The following PLXDC2 variants were observed in gnomAD, a reference collection of about 807,000 sequenced individuals.
PLXDC2 encodes the protein plexin domain containing 2.
PLXDC2 carries 40 observed loss-of-function variants against 68.9 expected under a neutral mutation model. That is an observed-to-expected ratio of 0.58 (90% CI 0.45 to 0.76). PLXDC2 has a LOEUF of 0.76. PLXDC2 is among the 30% of genes least tolerant of loss of function. The pLI, the probability that PLXDC2 is intolerant of heterozygous loss-of-function variation, is 0.00. For missense variants in PLXDC2, 644 were observed against 661.9 expected, an observed-to-expected ratio of 0.97 and a Z score of 0.30; for synonymous variants, 243 against 234.2, an observed-to-expected ratio of 1.04 and a Z score of -0.34.
At chr10:20,030,940 T>C (rs116176044) in intron 2 of PLXDC2, among the ~76,000 whole-genome samples, 2,682 of 152,190 alleles carry the variant, frequency 0.018, 77 homozygotes, top group African/African-American at 0.061. Flanking sequence ...AAACCCAAAT[T>C]TAGCCCACTT....
intron 3 of PLXDC2, among the ~76,000 whole-genome samples, chr10:20,054,403 GGATGGATGGATGGATGGACA>G (rs1329034636): frequency 6.6e-6 from 1 of 151,878 alleles, no homozygotes; most frequent in Non-Finnish European, 1.5e-5. Context: ...AAATATGGAT[GGATGGATGGATGGATGGACA>G]GATGGATGGA....
rs548520148 is a variant in PLXDC2 at position 20,030,474 on chromosome 10, G to T, written c.325-16395G>T. Among the ~76,000 whole-genome samples, 10 of 152,280 alleles carry T rather than the reference G, an allele frequency of 6.6e-5. No homozygotes were observed. The South Asian group carries it at 1.7e-3, about 25-fold the overall frequency. On this transcript the variant is annotated intron_variant, in intron 2 of 13. Coordinates refer to ENST00000377252, the MANE Select transcript of PLXDC2 (RefSeq NM_032812.9). The stretch of plus-strand genomic sequence containing the variant: ...GATGTGAACAAAATCCTCTGAAAAG[G>T]AATTTGGAGGAAAGAGACTTTATTC...
Position 19,925,967 on chromosome 10 carries a change from C to A in PLXDC2, c.113-75808C>A, listed in dbSNP as rs138492906. ...ATTGATCCGCTGGCATTAGAGAGCTCCCACATATGAACGCTCAATGTATCC... is the reference window on the plus strand; with the variant it reads ...ATTGATCCGCTGGCATTAGAGAGCTACCACATATGAACGCTCAATGTATCC... On this transcript the variant is annotated intron_variant, in intron 1 of 13. Transcript: ENST00000377252. Among the ~76,000 whole-genome samples the A allele has an allele frequency of 5.6e-3, 849 of 152,290 alleles. 3 individuals are homozygous for A. Among genetic ancestry groups the A allele is most frequent in the Non-Finnish European group, 9.5e-3 (648 of 68,030 alleles).
chr10:19,967,221 G>T (rs1834278471), intron 1 of PLXDC2, among the ~76,000 whole-genome samples: 1 of 152,124 alleles, frequency 6.6e-6, no homozygotes, highest in African/African-American at 2.4e-5. Context: ...CAATGGACTT[G>T]TTTAGCAAAA....
intron 10 of PLXDC2, among the ~76,000 whole-genome samples, chr10:20,212,029 A>G (rs1835076577): frequency 6.6e-6 from 1 of 152,000 alleles, no homozygotes; most frequent in African/African-American, 2.4e-5. Context: ...TCTATGAAGA[A>G]CAGTGCCTGC....
intron 1 of PLXDC2, among the ~76,000 whole-genome samples, chr10:19,867,651 G>A (rs988056158): frequency 3.9e-5 from 6 of 152,086 alleles, no homozygotes; most frequent in Non-Finnish European, 8.8e-5. Context: ...TTGTGGGGAG[G>A]CGTGTGGCAG....
At chr10:19,925,116 C>T (rs1589538902) in intron 1 of PLXDC2, among the ~76,000 whole-genome samples, 2 of 152,134 alleles carry the variant, frequency 1.3e-5, no homozygotes, top group South Asian at 2.1e-4. Context: ...AAGTTCCAGC[C>T]GTGACACCAG....
chr10:19,859,084 A>G (rs1837270853), intron 1 of PLXDC2, among the ~76,000 whole-genome samples: 1 of 151,934 alleles, frequency 6.6e-6, no homozygotes, highest in Admixed American at 6.6e-5. Flanking sequence ...GCTTTCTTCA[A>G]CAAAAAGTTC....
chr10:20,235,083 C>T (rs1835415739), intron 12 of PLXDC2, among the ~76,000 whole-genome samples: 1 of 152,124 alleles, frequency 6.6e-6, no homozygotes, highest in African/African-American at 2.4e-5. Flanking sequence ...CAAATAGTGG[C>T]TGTGGATTCT....
At chr10:20,034,287 A>G (rs1480824953) in intron 2 of PLXDC2, among the ~76,000 whole-genome samples, 2 of 152,208 alleles carry the variant, frequency 1.3e-5, no homozygotes, top group African/African-American at 2.4e-5. Context: ...ATATTTGGAT[A>G]CTAGGTTTAC....
intron 13 of PLXDC2, among the ~76,000 whole-genome samples, chr10:20,270,133 G>A (rs764228299): frequency 2.6e-5 from 4 of 152,142 alleles, no homozygotes; most frequent in Non-Finnish European, 5.9e-5. Context: ...ATGGTCCCAA[G>A]GGAGTTAGAA....
intron 7 of PLXDC2, among the ~76,000 whole-genome samples, chr10:20,174,073 C>A (rs1834485267): frequency 6.6e-6 from 1 of 152,086 alleles, no homozygotes; most frequent in African/African-American, 2.4e-5. Context: ...TTGAGAATTT[C>A]AAAGTGTAAC....
intron 6 of PLXDC2, among the ~76,000 whole-genome samples, chr10:20,158,525 A>C (rs1834247686): frequency 7.6e-6 from 1 of 131,450 alleles, no homozygotes; most frequent in Admixed American, 8.1e-5. Context: ...AAAAAAAAAA[A>C]AATTAAAAAG....
At chr10:19,849,965 G>T (rs979038793) in intron 1 of PLXDC2, among the ~76,000 whole-genome samples, 2 of 152,038 alleles carry the variant, frequency 1.3e-5, no homozygotes. Flanking sequence ...GTCCAAGTAC[G>T]GCCATCTCTA....
intron 13 of PLXDC2, among the ~76,000 whole-genome samples, chr10:20,270,460 G>C (rs542904326): frequency 6.6e-6 from 1 of 152,196 alleles, no homozygotes; most frequent in South Asian, 2.1e-4. Flanking sequence ...AGGATGCCCT[G>C]ATTCATTACA....
At chr10:20,200,349 T>G (rs1834900320) in intron 9 of PLXDC2, among the ~76,000 whole-genome samples, 1 of 151,954 alleles carries the variant, frequency 6.6e-6, no homozygotes, top group Admixed American at 6.6e-5. Context: ...ATATAAGAAA[T>G]GTTAATTAAA....
chr10:20,251,915 A>C (rs567727339), intron 13 of PLXDC2, among the ~76,000 whole-genome samples: 2 of 151,934 alleles, frequency 1.3e-5, no homozygotes, highest in East Asian at 1.9e-4. Context: ...GCCTTGGAAA[A>C]TAGATTCTAT....
intron 9 of PLXDC2, among the ~76,000 whole-genome samples, chr10:20,206,174 A>G (rs1431998595): frequency 1.3e-5 from 2 of 152,068 alleles, no homozygotes; most frequent in South Asian, 2.1e-4. Context: ...ATGCAATACA[A>G]TCATTCAAAA....
At chr10:20,279,658 T>A in intron 13 of PLXDC2, 45 bp from the exon 14 acceptor site, 1 of 1,499,988 alleles carries the variant, frequency 6.7e-7, no homozygotes, top group Non-Finnish European at 9.3e-7. Flanking sequence ...GGTGCTAGAA[T>A]CTTACCCTGA....
Sources: gnomAD v4.1 joint callset for allele counts (sites outside exome capture counted in the v4.1 genomes callset) on GRCh38, gnomAD v4.1.1 for gene constraint, MANE v1.5 for transcripts, NCBI Gene and HGNC (gene_info 2026-07-23, HGNC 2026-07-21) for gene names.